Variants in DMD observed in about 807,000 individuals in gnomAD.
DMD encodes dystrophin, also known as mutant dystrophin.
Under a neutral mutation model 330.1 loss-of-function variants are expected in DMD, and 63 were observed. That is an observed-to-expected ratio of 0.19 (90% confidence interval 0.16 to 0.24). The LOEUF (loss-of-function observed/expected upper bound fraction) is 0.24. Among genes scored for constraint, DMD ranks in the 10% least tolerant of loss-of-function variants. The pLI is 1.00. For synonymous variants in DMD, 1,223 were observed against 959.8 expected, an observed-to-expected ratio of 1.27 and a Z score of -5.07; for missense variants, 3,344 against 2,684.1, an observed-to-expected ratio of 1.25 and a Z score of -5.43.
At chrX:32,355,627 C>G (rs1274907753) in intron 37 of DMD, among the ~76,000 whole-genome samples, 1 of 111,454 alleles carries the variant, frequency 9.0e-6, no homozygotes, top group Non-Finnish European at 1.9e-5. Flanking sequence ...TGGACTTAAC[C>G]TTGTTATAGG....
intron 55 of DMD, among the ~76,000 whole-genome samples, chrX:31,521,109 A>G (rs1191868962): frequency 1.8e-5 from 2 of 111,848 alleles, no homozygotes; most frequent in East Asian, 5.6e-4. Context: ...ACTAGAACAG[A>G]TAAGAGGATG....
chrX:32,780,150 TGTTTCTA>T (rs2074576113), intron 7 of DMD, among the ~76,000 whole-genome samples: 4 of 111,920 alleles, frequency 3.6e-5, no homozygotes, highest in Non-Finnish European at 7.5e-5. Context: ...ATATGCCTTA[TGTTTCTA>T]ATTGTAACAG....
Position 31,172,427 on chromosome X carries a change from T to C in DMD, c.10329-14A>G, listed in dbSNP as rs964190617. On this transcript the variant is annotated splice_polypyrimidine_tract_variant and intron_variant, in intron 72 of 78. Transcript: ENST00000357033. Reference sequence around the variant, plus strand: ...ATTTCTGCTAGCCTGATAAAAAACGTAAAAGCTCATTAAAACTTATGTGAC... The same window carrying C: ...ATTTCTGCTAGCCTGATAAAAAACGCAAAAGCTCATTAAAACTTATGTGAC... 8 of 1,161,306 alleles carry C rather than the reference T, an allele frequency of 6.9e-6. No individual in the cohort carries two copies. Among genetic ancestry groups the C allele is most frequent in the Non-Finnish European group, 9.4e-6 (8 of 850,753 alleles).
intron 7 of DMD, among the ~76,000 whole-genome samples, chrX:32,776,286 C>T (rs764116084): frequency 2.8e-5 from 3 of 108,462 alleles, no homozygotes; most frequent in South Asian, 4.3e-4. Flanking sequence ...CTTCTGACCC[C>T]CCCCCCAAAT....
At chrX:32,935,090 T>C (rs903904716) in intron 2 of DMD, among the ~76,000 whole-genome samples, 5 of 112,538 alleles carry the variant, frequency 4.4e-5, no homozygotes, top group African/African-American at 1.6e-4. Context: ...GCCATTCTCC[T>C]GCCTCAGCCT....
intron 1 of DMD, among the ~76,000 whole-genome samples, chrX:33,325,291 C>A (rs766410701): frequency 8.9e-6 from 1 of 111,995 alleles, no homozygotes; most frequent in Admixed American, 9.5e-5. Context: ...CAGAATTGTG[C>A]TTTTTAATAA....
chrX:32,995,096 T>G (rs765264092), intron 2 of DMD, among the ~76,000 whole-genome samples: 27 of 111,917 alleles, frequency 2.4e-4, no homozygotes, highest in African/African-American at 8.1e-4. Context: ...CGAAGTGAGA[T>G]CTTGTCTCAA....
intron 44 of DMD, among the ~76,000 whole-genome samples, chrX:31,973,662 G>A (rs1473925437): frequency 9.0e-6 from 1 of 111,006 alleles, no homozygotes; most frequent in Non-Finnish European, 1.9e-5. Context: ...AAGTTGTATA[G>A]GACAAATTCG....
At chrX:33,021,377 T>A (rs1602780028) in intron 1 of DMD, among the ~76,000 whole-genome samples, 1 of 107,143 alleles carries the variant, frequency 9.3e-6, no homozygotes, top group African/African-American at 3.4e-5. Context: ...ACTATTTTTT[T>A]AATTATTGTA....
At chrX:31,854,951 A>G (rs2149573851) in intron 48 of DMD, among the ~76,000 whole-genome samples, 1 of 111,544 alleles carries the variant, frequency 9.0e-6, no homozygotes, top group Non-Finnish European at 1.9e-5. Flanking sequence ...ATCTCCAGCA[A>G]TTGCCAAATT....
rs1000487505 is a variant in DMD at position 33,158,437 on chromosome X, C to T, written c.31+52845G>A. Among the ~76,000 whole-genome samples, 8 of 111,168 alleles carry T rather than the reference C, an allele frequency of 7.2e-5. No homozygotes were observed. The East Asian group carries it at 1.1e-3, about 16-fold the overall frequency. ...CATTCTCTGCCTTGCATTGTCTATT[C>T]GGTCCCCTCAGGCCTGTCCTAGCTG... On this transcript the variant is annotated intron_variant, in intron 1 of 78. Transcript: ENST00000357033.
intron 74 of DMD, among the ~76,000 whole-genome samples, chrX:31,159,659 C>T (rs2038577669): frequency 9.0e-6 from 1 of 111,184 alleles, no homozygotes; most frequent in Non-Finnish European, 1.9e-5. Flanking sequence ...AACCATGACC[C>T]CTTCCCGCAA....
intron 55 of DMD, among the ~76,000 whole-genome samples, chrX:31,605,772 C>T (rs1018830941): frequency 9.0e-6 from 1 of 111,439 alleles, no homozygotes; most frequent in African/African-American, 3.3e-5. Flanking sequence ...CTGTTCTTAG[C>T]TAAAACCACC....
chrX:33,269,714 T>A (rs1411607069), intron 1 of DMD, among the ~76,000 whole-genome samples: 1 of 111,123 alleles, frequency 9.0e-6, no homozygotes, highest in Non-Finnish European at 1.9e-5. Context: ...ATGTGGTTTG[T>A]TTAGTAGTAG....
At chrX:31,185,560 T>C (rs971918546) in intron 67 of DMD, among the ~76,000 whole-genome samples, 7 of 112,234 alleles carry the variant, frequency 6.2e-5, no homozygotes, top group African/African-American at 2.3e-4. Context: ...TTAAGGTAAC[T>C]TCTCAGGTTT....
chrX:31,191,668 C>T (rs1201898324), intron 67 of DMD, among the ~76,000 whole-genome samples: 4 of 111,983 alleles, frequency 3.6e-5, no homozygotes, highest in Non-Finnish European at 7.5e-5. Flanking sequence ...GATTGTGAGG[C>T]CTCCCCAGCC....
chrX:32,644,720 G>A (rs1569375321), intron 10 of DMD, among the ~76,000 whole-genome samples: 1 of 110,611 alleles, frequency 9.0e-6, no homozygotes, highest in African/African-American at 3.3e-5. Flanking sequence ...TAATGCCTCA[G>A]CACTGCCTTG....
At position 31,178,681 on chromosome X, in the gene DMD, T is replaced by C. The variant is rs745766977; in HGVS notation, c.10211A>G (p.Asp3404Gly). 2.1e-5 allele frequency: 25 copies of C among 1,205,433 alleles called. No homozygotes were observed. The highest frequency in any genetic ancestry group is 2.7e-5 in the Non-Finnish European group (24 of 891,374). Reference protein sequence around the residue: ...YLPVQTVLEGDNMETPVTLIN... With the variant: ...YLPVQTVLEGGNMETPVTLIN... ...TGCTACTACTCACGTTTCCATGTTG[T>C]CCCCCTCTAAGACAGTCTGCACTGG... is the stretch of plus-strand genomic sequence containing the variant. Residue 3404 changes from aspartate to glycine, a missense_variant, in exon 70 of 79, where the codon GAC (aspartate) becomes GGC (glycine). Asp to Gly is a moderately conservative substitution (Grantham distance 94). Coordinates refer to ENST00000357033, the MANE Select transcript of DMD (RefSeq NM_004006.3).
At chrX:32,640,617 GA>G (rs747606421) in intron 11 of DMD, among the ~76,000 whole-genome samples, 40 of 107,213 alleles carry the variant, frequency 3.7e-4, no homozygotes, top group Middle Eastern at 4.9e-3. Context: ...CTGTCAAAAG[GA>G]AAAAAAAATA....
Sources: allele counts gnomAD v4.1 joint callset (sites outside exome capture counted in the v4.1 genomes callset), GRCh38; gene constraint gnomAD v4.1.1; transcripts MANE v1.5; gene names NCBI Gene and HGNC (gene_info 2026-07-23, HGNC 2026-07-21).